C12orf42: variants seen among roughly 807,000 people sequenced by gnomAD.
The protein encoded by C12orf42 is uncharacterized protein C12orf42.
Under a neutral mutation model 21.6 loss-of-function variants are expected in C12orf42, and 25 were observed. That is an observed-to-expected ratio of 1.16 (90% CI 0.84 to 1.62). The LOEUF is 1.62. Among genes scored for constraint, C12orf42 ranks in the 40% most tolerant of loss-of-function variants. The probability of loss-of-function intolerance (pLI) is 0.00; values close to 1 mark genes in which losing one functional copy is unlikely to be tolerated. For missense variants in C12orf42, 483 were observed against 459.3 expected, an observed-to-expected ratio of 1.05 and a Z score of -0.47; for synonymous variants, 174 against 175.0, an observed-to-expected ratio of 0.99 and a Z score of 0.05.
chr12:103,426,549 T>C (rs936093330), intron 2 of C12orf42, among the ~76,000 whole-genome samples: 2 of 152,148 alleles, frequency 1.3e-5, no homozygotes, highest in Admixed American at 6.5e-5. Flanking sequence ...CAGGATATTA[T>C]CCAGAAGAAC....
intron 5 of C12orf42, among the ~76,000 whole-genome samples, chr12:103,274,132 G>A (rs530261884): frequency 3.3e-5 from 5 of 152,266 alleles, no homozygotes; most frequent in East Asian, 3.9e-4. Flanking sequence ...CAACATCCTA[G>A]GAAATAGGTA....
the C12orf42 span, among the ~76,000 whole-genome samples, chr12:103,073,553 G>C: frequency 6.6e-6 from 1 of 151,776 alleles, no homozygotes; most frequent in Admixed American, 6.6e-5. Context: ...AGGCAAATGT[G>C]TTTTTTTCAA....
chr12:103,452,402 G>C (rs2888734), intron 2 of C12orf42, among the ~76,000 whole-genome samples: 1 of 151,936 alleles, frequency 6.6e-6, no homozygotes, highest in African/African-American at 2.4e-5. Flanking sequence ...TGAGTCAGAT[G>C]CAAGAATTAA....
chr12:103,350,871 T>G (rs1178159576), intron 4 of C12orf42, among the ~76,000 whole-genome samples: 1 of 152,162 alleles, frequency 6.6e-6, no homozygotes, highest in Non-Finnish European at 1.5e-5. Flanking sequence ...GAGGAAATCT[T>G]ATTTAAATAT....
the C12orf42 span, among the ~76,000 whole-genome samples, chr12:103,551,508 C>T: frequency 6.6e-6 from 1 of 152,040 alleles, no homozygotes; most frequent in African/African-American, 2.4e-5. Context: ...TAGAGCAAGA[C>T]CCTGTCTCTC....
intron 4 of C12orf42, among the ~76,000 whole-genome samples, chr12:103,283,569 G>T (rs746812371): frequency 3.9e-5 from 6 of 152,152 alleles, no homozygotes; most frequent in Non-Finnish European, 7.4e-5. Context: ...CTAGCCTCCA[G>T]CATGCCAGCT....
In C12orf42 at chr12:103,425,306, C is replaced by T. The variant is rs189152070; in HGVS notation, c.79-23631G>A. Reference sequence around the variant, plus strand: ...TGCCTGCCAGCTCTAAAGAGAGCAGCGGATCTCCCAGCACAGTGCTTGAGC... The same window carrying T: ...TGCCTGCCAGCTCTAAAGAGAGCAGTGGATCTCCCAGCACAGTGCTTGAGC... On this transcript the variant is annotated intron_variant, in intron 2 of 5. Coordinates refer to ENST00000548883, the MANE Select transcript of C12orf42 (RefSeq NM_198521.5). Among the ~76,000 whole-genome samples, 1,128 of 152,318 alleles carry T rather than the reference C, an allele frequency of 7.4e-3. 7 individuals are homozygous for T. The highest frequency in any genetic ancestry group is 0.011 in the Non-Finnish European group (722 of 68,028).
intron 2 of C12orf42, among the ~76,000 whole-genome samples, chr12:103,422,393 G>GT (rs1417310459): frequency 2.0e-5 from 3 of 152,140 alleles, no homozygotes; most frequent in African/African-American, 7.2e-5. Context: ...TTTTCACAAG[G>GT]TAACGACTCT....
chr12:103,294,560 A>G (rs1338345404), intron 4 of C12orf42, among the ~76,000 whole-genome samples: 1 of 140,264 alleles, frequency 7.1e-6, no homozygotes, highest in Non-Finnish European at 1.6e-5. Context: ...AAAGAAAGAA[A>G]GAAAAAGAAA....
the C12orf42 span, among the ~76,000 whole-genome samples, chr12:103,090,355 G>A: frequency 6.6e-6 from 1 of 152,128 alleles, no homozygotes; most frequent in East Asian, 1.9e-4. Context: ...GAAGCCTTGA[G>A]GAGCTTCAGA....
chr12:103,321,962 A>G (rs1428492472), intron 4 of C12orf42, among the ~76,000 whole-genome samples: 1 of 152,144 alleles, frequency 6.6e-6, no homozygotes, highest in Non-Finnish European at 1.5e-5. Context: ...ACATGTATAC[A>G]TATGTAACTA....
the C12orf42 span, among the ~76,000 whole-genome samples, chr12:103,212,595 C>T: frequency 2.6e-5 from 4 of 152,158 alleles, no homozygotes; most frequent in African/African-American, 9.7e-5. Context: ...TCAGCAGGCA[C>T]ATGACATCTG....
the C12orf42 span, among the ~76,000 whole-genome samples, chr12:103,131,371 T>C: frequency 2.0e-5 from 3 of 152,210 alleles, no homozygotes; most frequent in Non-Finnish European, 4.4e-5. Context: ...GAATTTACTA[T>C]ATTTCTCTAA....
intron 4 of C12orf42, among the ~76,000 whole-genome samples, chr12:103,282,403 T>G (rs1219367629): frequency 6.6e-6 from 1 of 152,230 alleles, no homozygotes; most frequent in African/African-American, 2.4e-5. Flanking sequence ...GTATTTTTAC[T>G]GTGCCTTTTC....
At chr12:103,394,360 G>A (rs1166316732) in intron 3 of C12orf42, among the ~76,000 whole-genome samples, 1 of 152,180 alleles carries the variant, frequency 6.6e-6, no homozygotes, top group Non-Finnish European at 1.5e-5. Flanking sequence ...GCCACAGGTT[G>A]TCTGTCCTGC....
chr12:103,481,713 T>A (rs992778394), intron 1 of C12orf42, among the ~76,000 whole-genome samples: 2 of 152,002 alleles, frequency 1.3e-5, no homozygotes, highest in Admixed American at 6.5e-5. Context: ...TTTCTGTTTA[T>A]TGTGATAATG....
chr12:103,062,196 ATTT>A, the C12orf42 span, among the ~76,000 whole-genome samples: 1 of 151,188 alleles, frequency 6.6e-6, no homozygotes, highest in Non-Finnish European at 1.5e-5. Flanking sequence ...TAAAGTCATT[ATTT>A]ATTTATATAT....
chr12:103,461,693 C>T (rs1158528495), intron 2 of C12orf42, among the ~76,000 whole-genome samples: 1 of 152,148 alleles, frequency 6.6e-6, no homozygotes, highest in Non-Finnish European at 1.5e-5. Context: ...CACCTAACTT[C>T]TCTGAGTTTT....
At chr12:103,207,462 A>C in the C12orf42 span, among the ~76,000 whole-genome samples, 4 of 152,260 alleles carry the variant, frequency 2.6e-5, no homozygotes, top group Admixed American at 2.6e-4. Flanking sequence ...GCGCGCGCAC[A>C]GATGTGCTCA....
Sources: allele counts gnomAD v4.1 joint callset (sites outside exome capture counted in the v4.1 genomes callset), GRCh38; gene constraint gnomAD v4.1.1; transcripts MANE v1.5; gene names NCBI Gene and HGNC (gene_info 2026-07-23, HGNC 2026-07-21).